The following MAF variants were observed in gnomAD, a reference collection of about 807,000 sequenced individuals.
MAF encodes the protein transcription factor Maf.
A neutral mutation model predicts 22.0 loss-of-function variants in MAF; 10 were observed. The ratio of observed to expected loss-of-function variants is 0.45; its 90% CI spans 0.28 to 0.77. The LOEUF (loss-of-function observed/expected upper bound fraction) is 0.77. Ranked by LOEUF, MAF falls within the 30% of genes least tolerant of loss-of-function variation. The pLI is 0.12. For synonymous variants in MAF, 337 were observed against 255.8 expected, an observed-to-expected ratio of 1.32 and a Z score of -3.03; for missense variants, 544 against 548.4, an observed-to-expected ratio of 0.99 and a Z score of 0.08.
chr16:79,425,672 T>TG, the MAF span, among the ~76,000 whole-genome samples: 1 of 152,006 alleles, frequency 6.6e-6, no homozygotes, highest in South Asian at 2.1e-4. Flanking sequence ...GATTTTTTTT[T>TG]TTTTTTGAGA....
chr16:79,211,930 C>T, the MAF span: 340 of 1,538,950 alleles, frequency 2.2e-4, 2 homozygotes, highest in African/African-American at 3.6e-3. Context: ...GCAGTCACAA[C>T]AGAGTGAAAA....
chr16:79,508,026 G>C, the MAF span, among the ~76,000 whole-genome samples: 1 of 152,178 alleles, frequency 6.6e-6, no homozygotes, highest in African/African-American at 2.4e-5. Flanking sequence ...AGCAGAGCAG[G>C]AGACATGGAC....
downstream of MAF, among the ~76,000 whole-genome samples, chr16:79,583,365 G>C (rs1048242735): frequency 9.9e-5 from 15 of 151,968 alleles, no homozygotes; most frequent in Admixed American, 2.0e-4. Flanking sequence ...TGTAAGACTA[G>C]AAAAAAAATA....
chr16:79,404,839 A>C, the MAF span, among the ~76,000 whole-genome samples: 1 of 152,112 alleles, frequency 6.6e-6, no homozygotes, highest in Non-Finnish European at 1.5e-5. Flanking sequence ...GCAAGTCCCC[A>C]AATGTATTTT....
the MAF span, among the ~76,000 whole-genome samples, chr16:79,331,704 T>C: frequency 6.6e-6 from 1 of 152,172 alleles, no homozygotes; most frequent in Non-Finnish European, 1.5e-5. Flanking sequence ...GAGTAAGATC[T>C]AGACTGCTAT....
At chr16:79,402,946 T>C in the MAF span, among the ~76,000 whole-genome samples, 1 of 151,564 alleles carries the variant, frequency 6.6e-6, no homozygotes, top group Non-Finnish European at 1.5e-5. Context: ...TTGTGGAGCC[T>C]TGGGAGTCCT....
chr16:79,226,034 T>C, the MAF span, among the ~76,000 whole-genome samples: 1 of 152,212 alleles, frequency 6.6e-6, no homozygotes, highest in Admixed American at 6.5e-5. Flanking sequence ...ACTGGGTATA[T>C]ACCCAAAGGA....
chr16:79,451,995 G>C, the MAF span, among the ~76,000 whole-genome samples: 1 of 49,410 alleles, frequency 2.0e-5, no homozygotes, highest in Non-Finnish European at 5.0e-5. Context: ...GTCCGCAAAG[G>C]TTGACCTGGG....
chr16:79,358,404 T>TC, the MAF span, among the ~76,000 whole-genome samples: 26 of 152,138 alleles, frequency 1.7e-4, no homozygotes, highest in African/African-American at 2.4e-5. Context: ...CGTTCACTGA[T>TC]CCCCTAGCTG....
the MAF span, among the ~76,000 whole-genome samples, chr16:79,370,132 G>A: frequency 6.6e-6 from 1 of 152,148 alleles, no homozygotes; most frequent in Non-Finnish European, 1.5e-5. Flanking sequence ...TTCCCCAGGA[G>A]GCTAATTGGC....
the MAF span, among the ~76,000 whole-genome samples, chr16:79,330,727 C>A: frequency 1.3e-5 from 2 of 152,218 alleles, no homozygotes; most frequent in Non-Finnish European, 2.9e-5. Context: ...AAATTTGAGG[C>A]ATGAACTTGG....
chr16:79,270,038 C>G, the MAF span, among the ~76,000 whole-genome samples: 1 of 151,818 alleles, frequency 6.6e-6, no homozygotes, highest in Non-Finnish European at 1.5e-5. Context: ...TTTTGCAATC[C>G]TGTTTTTTTC....
the MAF span, among the ~76,000 whole-genome samples, chr16:79,422,720 A>G: frequency 1.2e-4 from 18 of 152,266 alleles, no homozygotes; most frequent in African/African-American, 3.8e-4. Flanking sequence ...CACTCATTCA[A>G]CAATATTTAT....
chr16:79,383,400 G>A, the MAF span, among the ~76,000 whole-genome samples: 1 of 152,102 alleles, frequency 6.6e-6, no homozygotes, highest in Non-Finnish European at 1.5e-5. Flanking sequence ...ATTTTTAAAT[G>A]TCTTGGTTTA....
At chr16:79,258,732 T>C in the MAF span, among the ~76,000 whole-genome samples, 2 of 152,198 alleles carry the variant, frequency 1.3e-5, no homozygotes, top group Non-Finnish European at 2.9e-5. Context: ...TGAACTTCTG[T>C]GATCTAAATA....
intron 1 of MAF, chr16:79,595,926 G>C (rs1468700870): frequency 5.7e-6 from 6 of 1,059,500 alleles, no homozygotes; most frequent in Non-Finnish European, 6.9e-6. Flanking sequence ...GTGTTAAAGA[G>C]AAAAGCAAAA....
At chr16:79,588,329 C>T (rs1037183525) in intron 1 of MAF, among the ~76,000 whole-genome samples, 16 of 152,222 alleles carry the variant, frequency 1.1e-4, no homozygotes, top group African/African-American at 3.9e-4. Context: ...AGTTTCAGCC[C>T]AGGCTCTGCG....
chr16:79,347,929 G>A, the MAF span, among the ~76,000 whole-genome samples: 8 of 152,284 alleles, frequency 5.3e-5, no homozygotes, highest in South Asian at 2.1e-4. Flanking sequence ...ATGAGTGTGC[G>A]TGCATCTATA....
chr16:79,517,794 C>G, the MAF span, among the ~76,000 whole-genome samples: 30 of 152,126 alleles, frequency 2.0e-4, no homozygotes, highest in Admixed American at 3.9e-4. Context: ...AGGCTGGTCT[C>G]AAACTTCTGA....
Sources: allele counts gnomAD v4.1 joint callset (sites outside exome capture counted in the v4.1 genomes callset), GRCh38; gene constraint gnomAD v4.1.1; transcripts MANE v1.5; gene names NCBI Gene and HGNC (gene_info 2026-07-23, HGNC 2026-07-21).